The following ANKS6 variants were observed in gnomAD, a reference collection of about 807,000 sequenced individuals.
ANKS6 encodes the protein ankyrin repeat and sterile alpha motif domain containing 6, also known as ankyrin repeat and SAM domain-containing protein 6.
In ANKS6, 47 loss-of-function variants were observed where a neutral mutation model predicts 77.9. That is an observed-to-expected ratio of 0.60 (90% CI 0.48 to 0.77). The LOEUF is 0.77. Among genes scored for constraint, ANKS6 ranks in the 30% least tolerant of loss-of-function variants. The probability of loss-of-function intolerance (pLI) is 0.00; values close to 1 mark genes in which losing one functional copy is unlikely to be tolerated. For missense variants in ANKS6, 1,150 were observed against 1,159.1 expected (o/e 0.99, Z 0.11); for synonymous variants, 488 against 501.7 (o/e 0.97, Z 0.37).
intron 11 of ANKS6, among the ~76,000 whole-genome samples, chr9:98,759,544 C>G (rs1374693526): frequency 6.6e-6 from 1 of 152,206 alleles, no homozygotes; most frequent in Non-Finnish European, 1.5e-5. Context: ...TTTTGACTGG[C>G]TATAAATCAG....
chr9:98,790,498 G>A lies in ANKS6; in HGVS notation c.468C>T (p.His156=). The A allele has an allele frequency of 6.2e-7, 1 of 1,613,532 alleles. No individual in the cohort carries two copies. Among genetic ancestry groups the A allele is most frequent in the Non-Finnish European group, 8.5e-7 (1 of 1,179,978 alleles). ...SVLTVASRGG[H]LGVVKLLLEA... ...CCAGGAGCAGCTTCACCACACCCAGGTGGCCGCCCCGAGAAGCCACAGTGA... is the reference window on the plus strand; with the variant it reads ...CCAGGAGCAGCTTCACCACACCCAGATGGCCGCCCCGAGAAGCCACAGTGA... Residue 156 remains histidine (H), a synonymous_variant, in exon 2 of 15, where the codon CAC becomes CAT. Transcript: ENST00000353234.
At chr9:98,782,132 T>G (rs1330113414) in intron 5 of ANKS6, among the ~76,000 whole-genome samples, 2 of 152,190 alleles carry the variant, frequency 1.3e-5, no homozygotes, top group Non-Finnish European at 2.9e-5. Context: ...TCCACCTGAG[T>G]GACTCAGGAT....
chr9:98,782,919 T>C (rs1834355319), intron 4 of ANKS6, among the ~76,000 whole-genome samples: 1 of 152,056 alleles, frequency 6.6e-6, no homozygotes, highest in Non-Finnish European at 1.5e-5. Context: ...CTGTCTCTAC[T>C]AAAAATTTTG....
At chr9:98,777,136 A>G (rs1473212336) in intron 8 of ANKS6, among the ~76,000 whole-genome samples, 1 of 152,112 alleles carries the variant, frequency 6.6e-6, no homozygotes, top group African/African-American at 2.4e-5. Context: ...CTGCCCATCA[A>G]TTCCTACCCT....
At chr9:98,773,213 G>T (rs1346028230) in intron 9 of ANKS6, among the ~76,000 whole-genome samples, 2 of 152,208 alleles carry the variant, frequency 1.3e-5, no homozygotes, top group Non-Finnish European at 2.9e-5. Context: ...GCCCTAGGAG[G>T]CAGCAGTGAG....
chr9:98,780,798 G>A (rs976166209), intron 5 of ANKS6, among the ~76,000 whole-genome samples: 3 of 152,062 alleles, frequency 2.0e-5, no homozygotes, highest in African/African-American at 7.2e-5. Flanking sequence ...TAAGTATTAT[G>A]AAGTTATTAG....
intron 3 of ANKS6, 149 bp from the exon 4 acceptor site, chr9:98,784,306 G>A: frequency 3.1e-6 from 2 of 645,444 alleles, no homozygotes; most frequent in Non-Finnish European, 2.5e-6. Flanking sequence ...GAGGGCGTCA[G>A]AGATAGCCCC....
chr9:98,780,262 G>A lies in ANKS6; in HGVS notation c.1295C>T (p.Pro432Leu), dbSNP rs748227554. The change falls in exon 6 of 15, where the codon CCT becomes CTT. Residue 432 changes from proline to leucine, a missense_variant. Physicochemically the swap from Pro to Leu is moderately conservative, Grantham distance 98 (BLOSUM62 -3). Transcript: ENST00000353234. ...NKDKGRPSHQ[P>L]PLPHSKVRQP... ...TCGGACCTTCGAGTGGGGCAGGGGAGGCTGGTGGCTCGGCCGGCCTTTGTC... is the reference window on the plus strand; with the variant it reads ...TCGGACCTTCGAGTGGGGCAGGGGAAGCTGGTGGCTCGGCCGGCCTTTGTC... 1.9e-6 allele frequency: 3 copies of A among 1,613,510 alleles called. No individual in the cohort carries two copies. Among genetic ancestry groups the A allele is most frequent in the African/African-American group, 1.3e-5 (1 of 74,936 alleles).
chr9:98,773,843 G>A (rs759908121), intron 9 of ANKS6, 34 bp downstream of exon 9: 5 of 1,479,472 alleles, frequency 3.4e-6, no homozygotes, highest in Non-Finnish European at 4.5e-6. Flanking sequence ...TGAGCAGTGA[G>A]TGATGTGTAA....
intron 13 of ANKS6, among the ~76,000 whole-genome samples, chr9:98,749,143 T>C (rs941976352): frequency 1.3e-5 from 2 of 152,154 alleles, no homozygotes; most frequent in African/African-American, 4.8e-5. Context: ...AGCTCATATG[T>C]TGCCAGAGAG....
In ANKS6 at chr9:98,751,092, T is replaced by C. The variant is rs769506722; in HGVS notation, c.2331A>G (p.Glu777=). 2 of 1,606,814 alleles carry C rather than the reference T, an allele frequency of 1.2e-6. No homozygotes were observed. Among genetic ancestry groups the C allele is most frequent in the Non-Finnish European group, 1.7e-6 (2 of 1,177,704 alleles). The change falls in exon 13 of 15, where the codon GAA becomes GAG. Residue 777 remains glutamate (E), a synonymous_variant. Transcript: ENST00000353234. ...ATAATTTCTTAAGGATTCCAGTCAG[T>C]TCATCTTCAAGATGGAAAGGTGAAA... ...SSSGTITDED[E]LTGILKKLSL...
chr9:98,744,108 T>G (rs1213430494), intron 14 of ANKS6, among the ~76,000 whole-genome samples: 2 of 152,090 alleles, frequency 1.3e-5, no homozygotes, highest in Admixed American at 6.5e-5. Context: ...AGTGAGGTGG[T>G]CTAGGCCCAC....
intron 13 of ANKS6, among the ~76,000 whole-genome samples, chr9:98,748,367 ATCCC>A (rs1832256395): frequency 6.6e-6 from 1 of 152,216 alleles, no homozygotes; most frequent in Non-Finnish European, 1.5e-5. Flanking sequence ...AGGCAGAAAT[ATCCC>A]AGTATCCTTT....
At chr9:98,757,051 T>C (rs1326978721) in intron 11 of ANKS6, among the ~76,000 whole-genome samples, 1 of 152,200 alleles carries the variant, frequency 6.6e-6, no homozygotes, top group Non-Finnish European at 1.5e-5. Context: ...TTCTTCCCTT[T>C]TTCTCATTGG....
rs1831504787 is a variant in ANKS6, at chr9:98,736,437, A to G, written c.*82T>C. On this transcript the variant is annotated 3_prime_UTR_variant, in exon 15 of 15. Coordinates refer to ENST00000353234, the MANE Select transcript of ANKS6 (RefSeq NM_173551.5). Reference sequence around the variant, plus strand: ...AACATGACTAAGGCACAGCAGTGTGACGGGGGCAGGGCTGGGGCTGTGGCC... The same window carrying G: ...AACATGACTAAGGCACAGCAGTGTGGCGGGGGCAGGGCTGGGGCTGTGGCC... 2.0e-6 allele frequency: 3 copies of G among 1,481,716 alleles called. No homozygotes were observed. The highest frequency in any genetic ancestry group is 1.8e-4 in the Middle Eastern group (1 of 5,566). The allele number at this position is 1,481,716 out of a possible 1,614,324, so 91.8% of individuals were successfully genotyped here.
chr9:98,761,705 C>A (rs758758099), intron 11 of ANKS6, among the ~76,000 whole-genome samples: 18 of 152,058 alleles, frequency 1.2e-4, no homozygotes, highest in Non-Finnish European at 2.4e-4. Flanking sequence ...TGCCTTTGTA[C>A]CTTTAAAAAA....
intron 14 of ANKS6, among the ~76,000 whole-genome samples, chr9:98,741,218 A>G (rs1831809499): frequency 6.6e-6 from 1 of 152,248 alleles, no homozygotes; most frequent in Non-Finnish European, 1.5e-5. Flanking sequence ...AGAGTTCTTA[A>G]TGACATGAAT....
At chr9:98,786,210 C>G (rs1457282705) in intron 2 of ANKS6, among the ~76,000 whole-genome samples, 25 of 151,980 alleles carry the variant, frequency 1.6e-4, no homozygotes, top group Non-Finnish European at 3.7e-4. Flanking sequence ...AACTCCTGAC[C>G]TCAAGTGATC....
Position 98,796,521 on chromosome 9 carries a change from C to A in ANKS6, c.-30G>T. 5 of 982,076 alleles carry A rather than the reference C, an allele frequency of 5.1e-6. No homozygotes were observed. The highest frequency in any genetic ancestry group is 6.0e-6 in the Non-Finnish European group (5 of 828,002). The allele number at this position is 982,076 out of a possible 1,614,324, so 60.8% of individuals were successfully genotyped here. A position where few individuals can be genotyped will look rare whatever the true frequency, so the allele number is the denominator to read the frequency against. On this transcript the variant is annotated 5_prime_UTR_variant, in exon 1 of 15. Coordinates refer to ENST00000353234, the MANE Select transcript of ANKS6 (RefSeq NM_173551.5). ...GCCGCCACGCGCGGCCCGCTCCCGT[C>A]CGCCCCGCCGGCCGCGTCGGCTCCG...
Sources: gnomAD v4.1 joint callset for allele counts (sites outside exome capture counted in the v4.1 genomes callset) on GRCh38, gnomAD v4.1.1 for gene constraint, MANE v1.5 for transcripts, NCBI Gene and HGNC (gene_info 2026-07-23, HGNC 2026-07-21) for gene names.